Variants in GBE1 observed in about 807,000 individuals in gnomAD.
GBE1 encodes the protein 1,4-alpha-glucan branching enzyme 1.
Under a neutral mutation model 88.8 loss-of-function variants are expected in GBE1, and 70 were observed. That is an observed-to-expected ratio of 0.79 (90% CI 0.65 to 0.96). The LOEUF is 0.96. Ranked by LOEUF, GBE1 falls within the 40% of genes least tolerant of loss-of-function variation. The pLI is 0.00. For missense variants in GBE1, 872 were observed against 871.0 expected (o/e 1.00, Z -0.01); for synonymous variants, 284 against 300.1 (o/e 0.95, Z 0.56).
At chr3:81,549,018 T>C (rs1456357560) in intron 12 of GBE1, among the ~76,000 whole-genome samples, 1 of 127,772 alleles carries the variant, frequency 7.8e-6, no homozygotes, top group Non-Finnish European at 1.7e-5. Flanking sequence ...TTGGAAACTA[T>C]TTGTGAGTAT....
chr3:81,600,364 A>G (rs1358311234), intron 7 of GBE1, among the ~76,000 whole-genome samples: 1 of 152,162 alleles, frequency 6.6e-6, no homozygotes, highest in African/African-American at 2.4e-5. Flanking sequence ...CCATTATCTC[A>G]CTTAAATTTA....
intron 14 of GBE1, among the ~76,000 whole-genome samples, chr3:81,499,566 T>C (rs886876659): frequency 1.3e-5 from 2 of 152,176 alleles, no homozygotes; most frequent in African/African-American, 2.4e-5. Flanking sequence ...CTTGAGATTA[T>C]ATTATTTCTA....
chr3:81,595,755 A>C (rs2106959822), intron 7 of GBE1, among the ~76,000 whole-genome samples: 1 of 152,098 alleles, frequency 6.6e-6, no homozygotes, highest in South Asian at 2.1e-4. Context: ...ACAATATTTA[A>C]TCTATTCTAC....
intron 12 of GBE1, among the ~76,000 whole-genome samples, chr3:81,540,288 T>C (rs1193572383): frequency 6.6e-6 from 1 of 151,988 alleles, no homozygotes; most frequent in Admixed American, 6.6e-5. Context: ...CTCAATGATA[T>C]GGATACATTA....
chr3:81,495,567 T>A (rs1424909196), intron 15 of GBE1, among the ~76,000 whole-genome samples: 1 of 152,168 alleles, frequency 6.6e-6, no homozygotes, highest in African/African-American at 2.4e-5. Context: ...AAAAAATAAA[T>A]TTTATTCTTG....
At chr3:81,753,070 T>C (rs550270244) in intron 1 of GBE1, among the ~76,000 whole-genome samples, 2 of 152,314 alleles carry the variant, frequency 1.3e-5, no homozygotes, top group South Asian at 4.1e-4. Flanking sequence ...TTGATTAATT[T>C]TCCCTAGGAC....
chr3:81,506,002 G>T (rs970063512), intron 14 of GBE1, among the ~76,000 whole-genome samples: 1 of 151,950 alleles, frequency 6.6e-6, no homozygotes, highest in African/African-American at 2.4e-5. Context: ...TACCATTCAG[G>T]ACACAGGCGA....
chr3:81,736,220 G>A (rs1706256092), intron 1 of GBE1, among the ~76,000 whole-genome samples: 1 of 152,158 alleles, frequency 6.6e-6, no homozygotes, highest in African/African-American at 2.4e-5. Context: ...TTGGAGTGAG[G>A]AGGTACAGGA....
chr3:81,570,092 G>A (rs930746963), intron 12 of GBE1, among the ~76,000 whole-genome samples: 1 of 152,144 alleles, frequency 6.6e-6, no homozygotes. Flanking sequence ...TTACAGGTGT[G>A]AGCCACCATG....
intron 12 of GBE1, among the ~76,000 whole-genome samples, chr3:81,552,840 T>C (rs890321691): frequency 7.9e-5 from 12 of 152,182 alleles, no homozygotes; most frequent in African/African-American, 2.9e-4. Context: ...GAGCCTCCTA[T>C]ATACACAGGC....
intron 7 of GBE1, among the ~76,000 whole-genome samples, chr3:81,609,781 C>A (rs538715391): frequency 6.6e-6 from 1 of 152,210 alleles, no homozygotes; most frequent in South Asian, 2.1e-4. Flanking sequence ...TGCTAATGGT[C>A]AAACCTACTT....
chr3:81,701,976 G>A (rs1271879657), intron 2 of GBE1, among the ~76,000 whole-genome samples: 8 of 147,036 alleles, frequency 5.4e-5, no homozygotes, highest in Non-Finnish European at 1.0e-4. Context: ...TCTCAGGTCA[G>A]TAGGCACAAA....
intron 1 of GBE1, among the ~76,000 whole-genome samples, chr3:81,737,885 A>G (rs982920457): frequency 6.6e-6 from 1 of 152,120 alleles, no homozygotes; most frequent in Non-Finnish European, 1.5e-5. Context: ...TATATCTCCC[A>G]CTGCTATTCC....
At chr3:81,526,049 A>T (rs952064165) in intron 14 of GBE1, among the ~76,000 whole-genome samples, 5 of 151,856 alleles carry the variant, frequency 3.3e-5, no homozygotes, top group African/African-American at 7.2e-5. Context: ...AGCTCTGATC[A>T]TAGTTATTTC....
At chr3:81,605,406 C>T (rs2106977609) in intron 7 of GBE1, among the ~76,000 whole-genome samples, 1 of 152,158 alleles carries the variant, frequency 6.6e-6, no homozygotes, top group Non-Finnish European at 1.5e-5. Context: ...CAGAAATGGC[C>T]AAGTGTCACC....
chr3:81,721,354 A>C (rs1439340684), intron 1 of GBE1, among the ~76,000 whole-genome samples: 1 of 151,524 alleles, frequency 6.6e-6, no homozygotes, highest in Non-Finnish European at 1.5e-5. Flanking sequence ...ATTCAACATC[A>C]GTAAAATGGA....
At chr3:81,700,097 C>T (rs977025042) in intron 2 of GBE1, among the ~76,000 whole-genome samples, 4 of 152,080 alleles carry the variant, frequency 2.6e-5, no homozygotes, top group African/African-American at 7.2e-5. Flanking sequence ...TTGACAGTTG[C>T]GGGAGAGCCA....
chr3:81,527,169 G>T (rs1342872853), intron 14 of GBE1, among the ~76,000 whole-genome samples: 2 of 152,130 alleles, frequency 1.3e-5, no homozygotes, highest in African/African-American at 4.8e-5. Context: ...CTAGCCATAT[G>T]CAGAAAGGTG....
chr3:81,732,198 G>A (rs756703899), intron 1 of GBE1, among the ~76,000 whole-genome samples: 8 of 151,926 alleles, frequency 5.3e-5, no homozygotes, highest in South Asian at 2.1e-4. Context: ...ATTAAGCCAC[G>A]TCAAAAAATA....
Sources: gnomAD v4.1 joint callset for allele counts (sites outside exome capture counted in the v4.1 genomes callset) on GRCh38, gnomAD v4.1.1 for gene constraint, MANE v1.5 for transcripts, NCBI Gene and HGNC (gene_info 2026-07-23, HGNC 2026-07-21) for gene names.